The following CRACR2A variants were observed in gnomAD, a reference collection of about 807,000 sequenced individuals.
CRACR2A encodes the protein EF-hand calcium-binding domain-containing protein 4B.
A neutral mutation model predicts 90.5 loss-of-function variants in CRACR2A; 79 were observed. That is an observed-to-expected ratio of 0.87 (90% confidence interval 0.73 to 1.05). CRACR2A has a LOEUF of 1.05. CRACR2A is among the 50% of genes least tolerant of loss of function. The probability of loss-of-function intolerance (pLI) is 0.00; values close to 1 mark genes in which losing one functional copy is unlikely to be tolerated. For missense variants in CRACR2A, 823 were observed against 897.2 expected, an observed-to-expected ratio of 0.92 and a Z score of 1.06; for synonymous variants, 338 against 356.7, an observed-to-expected ratio of 0.95 and a Z score of 0.59.
At chr12:3,737,310 C>G (rs957005832) in intron 1 of CRACR2A, among the ~76,000 whole-genome samples, 1 of 152,088 alleles carries the variant, frequency 6.6e-6, no homozygotes, top group Non-Finnish European at 1.5e-5. Flanking sequence ...GGAAGGAAAC[C>G]AGGGTGGCTA....
intron 8 of CRACR2A, among the ~76,000 whole-genome samples, chr12:3,657,439 G>C (rs906344582): frequency 6.6e-6 from 1 of 152,202 alleles, no homozygotes; most frequent in African/African-American, 2.4e-5. Context: ...GCAGCAGCGC[G>C]GTGGGGGAAC....
intron 13 of CRACR2A, chr12:3,640,874 A>C (rs1944553747): frequency 2.4e-6 from 3 of 1,258,380 alleles, no homozygotes; most frequent in Middle Eastern, 4.9e-4. Context: ...ACTCAAGCTC[A>C]ATCATGTGCT....
intron 2 of CRACR2A, among the ~76,000 whole-genome samples, chr12:3,716,880 A>G (rs1447764252): frequency 6.6e-6 from 1 of 152,150 alleles, no homozygotes; most frequent in Admixed American, 6.5e-5. Flanking sequence ...ATACCAAGTT[A>G]GTATGAGTTT....
chr12:3,628,102 CCTCT>C (rs993195059), intron 15 of CRACR2A, among the ~76,000 whole-genome samples: 3 of 142,536 alleles, frequency 2.1e-5, no homozygotes, highest in African/African-American at 7.8e-5. Context: ...TCTCTCCTTC[CCTCT>C]CTCTTTCCCT....
chr12:3,716,884 T>C (rs373616434), intron 2 of CRACR2A, among the ~76,000 whole-genome samples: 8 of 152,262 alleles, frequency 5.3e-5, no homozygotes, highest in East Asian at 1.9e-4. Flanking sequence ...CAAGTTAGTA[T>C]GAGTTTATTT....
rs1226928109 is a variant in CRACR2A, at chr12:3,678,963, T to C, written c.476A>G (p.Gln159Arg). ...AAGTCTGTCCATCAGCATCCGGAAC[T>C]GGGCTTCCTCATCTTCGCCCATGTC... ...LGDMGEDEEA[Q>R]FRMLMDRLGA... is the part of the protein sequence containing the mutation. Residue 159 changes from glutamine (Q) to arginine (R), a missense_variant, in exon 6 of 20, where the codon CAG (glutamine) becomes CGG (arginine). Gln to Arg is a conservative substitution (Grantham distance 43). Transcript: ENST00000440314. 4 of 1,613,688 alleles carry C rather than the reference T, an allele frequency of 2.5e-6. No homozygotes were observed. The Admixed American group carries it at 5.0e-5, about 20-fold the overall frequency.
At chr12:3,676,462 C>T (rs1220712962) in intron 6 of CRACR2A, among the ~76,000 whole-genome samples, 1 of 152,144 alleles carries the variant, frequency 6.6e-6, no homozygotes, top group African/African-American at 2.4e-5. Flanking sequence ...TGTTTAAATC[C>T]TAACCCCAAC....
At chr12:3,622,681 T>A (rs929841082) in intron 17 of CRACR2A, among the ~76,000 whole-genome samples, 6 of 152,068 alleles carry the variant, frequency 3.9e-5, no homozygotes, top group Non-Finnish European at 5.9e-5. Context: ...CTAGGAGGCA[T>A]GAAAAAGCAC....
intron 7 of CRACR2A, among the ~76,000 whole-genome samples, chr12:3,667,843 G>A (rs1297600079): frequency 3.3e-5 from 5 of 152,170 alleles, no homozygotes; most frequent in African/African-American, 9.7e-5. Flanking sequence ...ACACGTGGGC[G>A]CATGCACGTG....
chr12:3,661,082 T>G (rs180742490), intron 7 of CRACR2A, among the ~76,000 whole-genome samples: 1 of 152,180 alleles, frequency 6.6e-6, no homozygotes, highest in Non-Finnish European at 1.5e-5. Context: ...CTAACTCCCA[T>G]GTCCACTTGG....
chr12:3,741,244 C>T (rs1424916010), intron 1 of CRACR2A, among the ~76,000 whole-genome samples: 1 of 152,108 alleles, frequency 6.6e-6, no homozygotes, highest in Non-Finnish European at 1.5e-5. Context: ...AGCCTGGACC[C>T]CTTCCTACTT....
intron 7 of CRACR2A, among the ~76,000 whole-genome samples, chr12:3,671,405 G>T (rs922277173): frequency 2.0e-5 from 3 of 152,146 alleles, no homozygotes; most frequent in African/African-American, 7.2e-5. Context: ...AGGCTCAAGA[G>T]AAGCCAAGAA....
chr12:3,629,437 T>C (rs960498848), intron 15 of CRACR2A, among the ~76,000 whole-genome samples: 2 of 152,222 alleles, frequency 1.3e-5, no homozygotes, highest in African/African-American at 4.8e-5. Context: ...TCCCGGTCTG[T>C]GCTCTGGGAG....
chr12:3,628,957 C>T (rs1467647095), intron 15 of CRACR2A, among the ~76,000 whole-genome samples: 1 of 152,192 alleles, frequency 6.6e-6, no homozygotes, highest in Non-Finnish European at 1.5e-5. Flanking sequence ...TCAGGGGCAG[C>T]AGGGAGTCTA....
chr12:3,644,523 C>G, intron 12 of CRACR2A, 72 bp downstream of exon 12: 2 of 1,464,974 alleles, frequency 1.4e-6, no homozygotes, highest in Non-Finnish European at 1.9e-6. Flanking sequence ...GGGCCAGTCT[C>G]GACATGGATC....
intron 2 of CRACR2A, among the ~76,000 whole-genome samples, chr12:3,723,807 C>T (rs1457197369): frequency 6.6e-6 from 1 of 152,180 alleles, no homozygotes; most frequent in African/African-American, 2.4e-5. Context: ...GCATTTTGGC[C>T]TGTGCTTACC....
At chr12:3,666,354 T>TGCGC (rs1421875304) in intron 7 of CRACR2A, among the ~76,000 whole-genome samples, 2 of 144,966 alleles carry the variant, frequency 1.4e-5, no homozygotes, top group African/African-American at 2.8e-5. Context: ...TGTGTGTGTG[T>TGCGC]GCGTGCGTGT....
At chr12:3,652,688 T>G (rs1203488496) in intron 10 of CRACR2A, among the ~76,000 whole-genome samples, 2 of 152,178 alleles carry the variant, frequency 1.3e-5, no homozygotes, top group African/African-American at 4.8e-5. Flanking sequence ...TAAAACAAGT[T>G]CCGGTAAGTA....
intron 1 of CRACR2A, among the ~76,000 whole-genome samples, chr12:3,740,912 C>A (rs189150823): frequency 6.6e-6 from 1 of 152,290 alleles, no homozygotes; most frequent in East Asian, 1.9e-4. Context: ...ATATGGTGGG[C>A]TCTCAGTGAG....
Sources: allele counts gnomAD v4.1 joint callset (sites outside exome capture counted in the v4.1 genomes callset), GRCh38; gene constraint gnomAD v4.1.1; transcripts MANE v1.5; gene names NCBI Gene and HGNC (gene_info 2026-07-23, HGNC 2026-07-21).